CAMK1D: variants seen among roughly 807,000 people sequenced by gnomAD.
The protein encoded by CAMK1D is calcium/calmodulin dependent protein kinase ID.
In CAMK1D, 9 loss-of-function variants were observed where a neutral mutation model predicts 47.7. The ratio of observed to expected loss-of-function variants is 0.19; its 90% CI spans 0.11 to 0.33. CAMK1D has a LOEUF of 0.33. CAMK1D is among the 10% of genes least tolerant of loss of function. The pLI, the probability that CAMK1D is intolerant of heterozygous loss-of-function variation, is 1.00. For synonymous variants in CAMK1D, 184 were observed against 184.9 expected, an observed-to-expected ratio of 0.99 and a Z score of 0.04; for missense variants, 291 against 488.7, an observed-to-expected ratio of 0.60 and a Z score of 3.81.
chr10:12,426,845 G>C (rs375511875), intron 1 of CAMK1D, among the ~76,000 whole-genome samples: 35 of 152,298 alleles, frequency 2.3e-4, no homozygotes, highest in African/African-American at 8.4e-4. Context: ...CTCTTGAGTA[G>C]CTGGGACCAC....
At chr10:12,712,209 A>G (rs577107708) in intron 3 of CAMK1D, among the ~76,000 whole-genome samples, 1 of 152,316 alleles carries the variant, frequency 6.6e-6, no homozygotes, top group Admixed American at 6.5e-5. Flanking sequence ...CTTCAACTGA[A>G]GCTCTCCAGG....
intron 2 of CAMK1D, among the ~76,000 whole-genome samples, chr10:12,654,711 TTA>T (rs1840070981): frequency 6.6e-6 from 1 of 152,218 alleles, no homozygotes; most frequent in Non-Finnish European, 1.5e-5. Context: ...ACCCTGGATC[TTA>T]ACCTTTAAAA....
rs1176310224 is a variant in CAMK1D at position 12,446,825 on chromosome 10, T to A, written c.92+96915T>A. On this transcript the variant is annotated intron_variant, in intron 1 of 10. Coordinates refer to ENST00000619168, the MANE Select transcript of CAMK1D (RefSeq NM_153498.4). Reference sequence around the variant, plus strand: ...TGGTTTGAGTCTACCCTTCCTTCCCTGCTGTCAGATACTGTGTGCTGTATC... The same window carrying A: ...TGGTTTGAGTCTACCCTTCCTTCCCAGCTGTCAGATACTGTGTGCTGTATC... Among the ~76,000 whole-genome samples the A allele has an allele frequency of 2.6e-5, 4 of 152,216 alleles. No homozygotes were observed. The South Asian group carries it at 6.2e-4, about 24-fold the overall frequency.
chr10:12,564,533 A>G (rs1287964653), intron 2 of CAMK1D, among the ~76,000 whole-genome samples: 1 of 152,196 alleles, frequency 6.6e-6, no homozygotes, highest in Non-Finnish European at 1.5e-5. Flanking sequence ...TTTTTAAGCT[A>G]TATAACTGTT....
intron 1 of CAMK1D, among the ~76,000 whole-genome samples, chr10:12,540,918 A>G (rs1221990150): frequency 8.2e-6 from 1 of 122,346 alleles, no homozygotes; most frequent in African/African-American, 2.8e-5. Flanking sequence ...AACCTGAGTT[A>G]TAGGTTTTTT....
chr10:12,726,259 A>G (rs1245541726), intron 3 of CAMK1D, among the ~76,000 whole-genome samples: 4 of 151,792 alleles, frequency 2.6e-5, no homozygotes, highest in Admixed American at 2.0e-4. Context: ...CCCTGTTTCT[A>G]CTAAAATATA....
chr10:12,753,311 A>G (rs75904968), intron 3 of CAMK1D, among the ~76,000 whole-genome samples: 2,424 of 152,300 alleles, frequency 0.016, 79 homozygotes, highest in African/African-American at 0.055. Context: ...AAAAATTAAT[A>G]CATTCGAGAA....
intron 3 of CAMK1D, among the ~76,000 whole-genome samples, chr10:12,752,886 C>T (rs1169124096): frequency 5.3e-5 from 8 of 152,228 alleles, no homozygotes; most frequent in Non-Finnish European, 8.8e-5. Context: ...GAGCCATCTC[C>T]TGTCTCTTCC....
intron 2 of CAMK1D, among the ~76,000 whole-genome samples, chr10:12,651,037 A>G (rs751450058): frequency 2.9e-4 from 44 of 152,200 alleles, no homozygotes; most frequent in Admixed American, 1.5e-3. Flanking sequence ...ATGAATCTGG[A>G]AACAGGCTTT....
At chr10:12,547,992 C>A (rs1836452172) in intron 1 of CAMK1D, among the ~76,000 whole-genome samples, 1 of 152,176 alleles carries the variant, frequency 6.6e-6, no homozygotes, top group African/African-American at 2.4e-5. Context: ...GTCTTCTAAC[C>A]CCTCCATCCC....
At chr10:12,696,730 T>C (rs1833313637) in intron 3 of CAMK1D, among the ~76,000 whole-genome samples, 2 of 152,248 alleles carry the variant, frequency 1.3e-5, no homozygotes, top group African/African-American at 2.4e-5. Flanking sequence ...TTCATTGTAT[T>C]TGGAAGCCTC....
intron 1 of CAMK1D, among the ~76,000 whole-genome samples, chr10:12,360,928 G>C (rs1400931318): frequency 6.6e-6 from 1 of 152,112 alleles, no homozygotes; most frequent in African/African-American, 2.4e-5. Flanking sequence ...TGGACGCCAG[G>C]GCTTCTTTAG....
At chr10:12,594,630 G>A (rs1025739866) in intron 2 of CAMK1D, among the ~76,000 whole-genome samples, 1 of 152,180 alleles carries the variant, frequency 6.6e-6, no homozygotes, top group African/African-American at 2.4e-5. Flanking sequence ...GAACTCAAGC[G>A]TTTCTGTCAG....
At chr10:12,446,235 CA>C (rs1832921291) in intron 1 of CAMK1D, among the ~76,000 whole-genome samples, 1 of 152,190 alleles carries the variant, frequency 6.6e-6, no homozygotes, top group Non-Finnish European at 1.5e-5. Flanking sequence ...ATGGCTAATC[CA>C]TAGACAGAGC....
At chr10:12,609,740 C>T (rs1838567974) in intron 2 of CAMK1D, among the ~76,000 whole-genome samples, 1 of 152,060 alleles carries the variant, frequency 6.6e-6, no homozygotes, top group South Asian at 2.1e-4. Flanking sequence ...GCTGTGCAGC[C>T]TGGTTTCTAA....
At chr10:12,827,418 T>TC (rs1833271512) in intron 10 of CAMK1D, among the ~76,000 whole-genome samples, 1 of 61,294 alleles carries the variant, frequency 1.6e-5, no homozygotes, top group African/African-American at 6.8e-5. Context: ...TTTCTCTCTT[T>TC]CTTTCCTTCC....
chr10:12,594,655 C>T (rs922651823), intron 2 of CAMK1D, among the ~76,000 whole-genome samples: 1 of 152,160 alleles, frequency 6.6e-6, no homozygotes, highest in Non-Finnish European at 1.5e-5. Context: ...AGAAACATTT[C>T]CCATGGTTGG....
At chr10:12,497,426 G>T (rs529315619) in intron 1 of CAMK1D, among the ~76,000 whole-genome samples, 4 of 144,976 alleles carry the variant, frequency 2.8e-5, no homozygotes, top group African/African-American at 1.0e-4. Flanking sequence ...GCAGTGAACC[G>T]AGATCACGCC....
At chr10:12,376,263 G>A (rs1838178757) in intron 1 of CAMK1D, among the ~76,000 whole-genome samples, 2 of 151,896 alleles carry the variant, frequency 1.3e-5, no homozygotes, top group Non-Finnish European at 2.9e-5. Flanking sequence ...ACTCGACGGG[G>A]CCTTTACCCC....
Sources: allele counts gnomAD v4.1 joint callset (sites outside exome capture counted in the v4.1 genomes callset), GRCh38; gene constraint gnomAD v4.1.1; transcripts MANE v1.5; gene names NCBI Gene and HGNC (gene_info 2026-07-23, HGNC 2026-07-21).